CCT6B: variants seen among roughly 807,000 people sequenced by gnomAD.
CCT6B encodes probable T-complex protein 1 subunit zeta-2.
A neutral mutation model predicts 61.5 loss-of-function variants in CCT6B; 49 were observed. The observed-to-expected ratio is 0.80, with a 90% CI of 0.63 to 1.01. The LOEUF (loss-of-function observed/expected upper bound fraction) is 1.01, where lower values mean the gene tolerates loss of function less well. Among genes scored for constraint, CCT6B ranks in the 50% least tolerant of loss-of-function variants. The pLI is 0.00. For synonymous variants in CCT6B, 228 were observed against 214.5 expected (o/e 1.06, Z -0.55); for missense variants, 666 against 634.7 (o/e 1.05, Z -0.53).
intron 5 of CCT6B, among the ~76,000 whole-genome samples, chr17:34,946,257 T>C (rs901123385): frequency 1.3e-5 from 2 of 152,188 alleles, no homozygotes; most frequent in African/African-American, 4.8e-5. Flanking sequence ...TCAAATTATT[T>C]CTACCAATAC....
At chr17:34,928,200 T>G in intron 13 of CCT6B, 83 bp from the exon 14 acceptor site, 1 of 764,670 alleles carries the variant, frequency 1.3e-6, no homozygotes. Flanking sequence ...CTATGTAGGG[T>G]ACTTTGTTCT....
intron 10 of CCT6B, among the ~76,000 whole-genome samples, chr17:34,938,040 C>T (rs2090114342): frequency 6.6e-6 from 1 of 151,928 alleles, no homozygotes; most frequent in African/African-American, 2.4e-5. Context: ...CAGGTACAGG[C>T]CACCACGCCT....
intron 4 of CCT6B, 116 bp from the exon 5 acceptor site, chr17:34,952,169 G>T: frequency 1.7e-6 from 1 of 590,990 alleles, no homozygotes; most frequent in Non-Finnish European, 3.0e-6. Context: ...TCAAAACCTA[G>T]GGCAAGACCA....
At chr17:34,932,590 G>T in intron 10 of CCT6B, 90 bp from the exon 11 acceptor site, 1 of 1,190,134 alleles carries the variant, frequency 8.4e-7, no homozygotes, top group Non-Finnish European at 1.2e-6. Context: ...ATTTAAGTAT[G>T]TTCTATTATC....
At chr17:34,960,814 G>T (rs2090405255) in intron 1 of CCT6B, among the ~76,000 whole-genome samples, 1 of 152,140 alleles carries the variant, frequency 6.6e-6, no homozygotes, top group Non-Finnish European at 1.5e-5. Context: ...TAGACACGGG[G>T]TATTCAAGTA....
intron 7 of CCT6B, among the ~76,000 whole-genome samples, chr17:34,942,055 A>G (rs999050990): frequency 6.6e-6 from 1 of 152,160 alleles, no homozygotes; most frequent in Admixed American, 6.6e-5. Flanking sequence ...GAAAAAAAAA[A>G]AACAGTGCTT....
chr17:34,947,750 G>A (rs12150324), intron 5 of CCT6B, among the ~76,000 whole-genome samples: 1,603 of 152,236 alleles, frequency 0.011, 16 homozygotes, highest in Non-Finnish European at 0.018. Flanking sequence ...GGGAGGCCAA[G>A]GTAGGTGGAT....
At chr17:34,928,904 C>A in intron 13 of CCT6B, 58 bp downstream of exon 13, 1 of 996,086 alleles carries the variant, frequency 1.0e-6, no homozygotes, top group Non-Finnish European at 1.5e-6. Context: ...AAAATTTCAT[C>A]TTAATATTAT....
chr17:34,930,912 T>A lies in CCT6B; in HGVS notation c.1450+37A>T, dbSNP rs114921705. On this transcript the variant is annotated intron_variant, in intron 12 of 13. Transcript: ENST00000314144. Reference sequence around the variant, plus strand: ...AGATCTGGGTAACTAAAGAATAACCTCTTTATTAAGCAGCTAATTTTCCTT... The same window carrying A: ...AGATCTGGGTAACTAAAGAATAACCACTTTATTAAGCAGCTAATTTTCCTT... The A allele has an allele frequency of 3.2e-3, 3,461 of 1,074,730 alleles. 80 individuals are homozygous for A. In the African/African-American group the frequency reaches 0.047, roughly 14 times the overall value. 66.6% of individuals were successfully genotyped at this position (1,074,730 alleles called of 1,614,324 possible). A position where few individuals can be genotyped will look rare whatever the true frequency, so the allele number is the denominator to read the frequency against.
chr17:34,939,775 A>G (rs1159977152), intron 8 of CCT6B, 62 bp from the exon 9 acceptor site: 11 of 1,022,842 alleles, frequency 1.1e-5, no homozygotes, highest in Non-Finnish European at 1.7e-5. Flanking sequence ...AATTTCTCAG[A>G]GAGAAGATAT....
chr17:34,955,512 GA>G (rs2090338258), intron 3 of CCT6B, among the ~76,000 whole-genome samples: 1 of 152,166 alleles, frequency 6.6e-6, no homozygotes, highest in South Asian at 2.1e-4. Context: ...TGAGAGAAAT[GA>G]AAATGCTTGA....
At position 34,940,515 on chromosome 17, in the gene CCT6B, A is replaced by G. The variant is rs202071383; in HGVS notation, c.968+24T>C. On this transcript the variant is annotated intron_variant, in intron 8 of 13. Transcript: ENST00000314144. ...CCATTTACTCTGTTAAAAACTTAGGATATATAATTATCTGCAAGCTTACCT... is the reference window on the plus strand; with the variant it reads ...CCATTTACTCTGTTAAAAACTTAGGGTATATAATTATCTGCAAGCTTACCT... 2.1e-4 allele frequency: 267 copies of G among 1,245,056 alleles called. No homozygotes were observed. In the African/African-American group the frequency reaches 3.7e-3, roughly 17 times the overall value. 77.1% of individuals were successfully genotyped at this position (1,245,056 alleles called of 1,614,324 possible).
At position 34,958,608 on chromosome 17, in the gene CCT6B, A is replaced by T; in HGVS notation, c.288T>A (p.Val96=). The T allele has an allele frequency of 6.3e-7, 1 of 1,598,726 alleles. No individual in the cohort carries two copies. Among genetic ancestry groups the T allele is most frequent in the Non-Finnish European group, 8.5e-7 (1 of 1,171,418 alleles). Residue 96 remains valine (V), a synonymous_variant, in exon 3 of 14, where the codon GTT becomes GTA. Transcript: ENST00000314144. ...DVTGDGTTSN[V]LIIGELLKQA... is the part of the protein sequence containing the mutation. ...GTTTTAATAACTCTCCAATAATTAGAACATTTGAAGTAGTACCATCTCCTG... is the reference window on the plus strand; with the variant it reads ...GTTTTAATAACTCTCCAATAATTAGTACATTTGAAGTAGTACCATCTCCTG...
At chr17:34,959,743 G>C in intron 1 of CCT6B, 93 bp from the exon 2 acceptor site, 2 of 820,068 alleles carry the variant, frequency 2.4e-6, no homozygotes, top group South Asian at 2.9e-5. Flanking sequence ...AACTGGGCTC[G>C]GAAAACTTCC....
At chr17:34,959,679 A>T (rs1208753047) in intron 1 of CCT6B, 29 bp from the exon 2 acceptor site, 1 of 1,527,434 alleles carries the variant, frequency 6.5e-7, no homozygotes, top group Admixed American at 1.7e-5. Context: ...TATTAACTTC[A>T]TGTGGTAGGA....
chr17:34,947,697 G>A, intron 5 of CCT6B, among the ~76,000 whole-genome samples: 1 of 152,106 alleles, frequency 6.6e-6, no homozygotes, highest in East Asian at 1.9e-4. Context: ...AAGCTACACA[G>A]ATGGCTGGGC....
intron 11 of CCT6B, among the ~76,000 whole-genome samples, 169 bp from the exon 12 acceptor site, chr17:34,931,220 T>C (rs1402291834): frequency 1.3e-5 from 2 of 152,090 alleles, no homozygotes; most frequent in Non-Finnish European, 2.9e-5. Context: ...ATTTCATCTA[T>C]CTAGTAGTTT....
rs982460274 is a variant in CCT6B, at chr17:34,954,439, T to A, written c.497A>T (p.Asp166Val). 5.6e-6 allele frequency: 9 copies of A among 1,605,388 alleles called. No homozygotes were observed. The Admixed American group carries it at 6.9e-5, about 12-fold the overall frequency. The change falls in exon 4 of 14, where the codon GAT becomes GTT. Residue 166 changes from aspartate to valine, a missense_variant. Asp to Val is a radical substitution (Grantham distance 152). Coordinates refer to ENST00000314144, the MANE Select transcript of CCT6B (RefSeq NM_006584.4). ...TTAATAACATACCTCTGTTAAGACA[T>A]CAGCCAGTTCAGCATGAACTTTAGT... Reference protein sequence around the residue: ...LQTKVHAELADVLTEVVVDSV... With the variant: ...LQTKVHAELAVVLTEVVVDSV...
Position 34,939,665 on chromosome 17 carries a change from G to A in CCT6B, c.1017C>T (p.Leu339=). 4 of 1,613,432 alleles carry A rather than the reference G, an allele frequency of 2.5e-6. No individual in the cohort carries two copies. The highest frequency in any genetic ancestry group is 2.2e-5 in the South Asian group (2 of 91,050). Residue 339 remains leucine (L), a synonymous_variant, in exon 9 of 14, where the codon CTC becomes CTT. Coordinates refer to ENST00000314144, the MANE Select transcript of CCT6B (RefSeq NM_006584.4). ...GGMAVNSFED[L]TVDCLGHAGL... is the part of the protein sequence containing the mutation. ...CAGCATGTCCCAAGCAATCTACAGTGAGATCTTCAAAAGAATTCACGGCCA... is the reference window on the plus strand; with the variant it reads ...CAGCATGTCCCAAGCAATCTACAGTAAGATCTTCAAAAGAATTCACGGCCA...
Sources: gnomAD v4.1 joint callset for allele counts (sites outside exome capture counted in the v4.1 genomes callset) on GRCh38, gnomAD v4.1.1 for gene constraint, MANE v1.5 for transcripts, NCBI Gene and HGNC (gene_info 2026-07-23, HGNC 2026-07-21) for gene names.